MTREX: variants seen among roughly 807,000 people sequenced by gnomAD.
MTREX encodes Mtr4 exosome RNA helicase.
In MTREX, 76 loss-of-function variants were observed where a neutral mutation model predicts 135.4. The observed-to-expected ratio is 0.56, with a 90% CI of 0.47 to 0.68. The LOEUF (loss-of-function observed/expected upper bound fraction) is 0.68. MTREX is among the 30% of genes least tolerant of loss of function. MTREX has a pLI of 0.00. For missense variants in MTREX, 920 were observed against 1,262.1 expected (o/e 0.73, Z 4.11); for synonymous variants, 404 against 401.6 (o/e 1.01, Z -0.07).
intron 11 of MTREX, among the ~76,000 whole-genome samples, chr5:55,348,748 G>A (rs956840388): frequency 4.6e-5 from 7 of 151,990 alleles, no homozygotes; most frequent in East Asian, 3.9e-4. Flanking sequence ...TACAAGTGCC[G>A]AATAAACTTA....
At chr5:55,368,750 A>G (rs1339826613) in intron 16 of MTREX, among the ~76,000 whole-genome samples, 1 of 152,146 alleles carries the variant, frequency 6.6e-6, no homozygotes, top group Non-Finnish European at 1.5e-5. Context: ...TTTTCTGTAG[A>G]TACAGGGTTT....
Position 55,366,319 on chromosome 5 carries a change from A to G in MTREX, c.1660-406A>G, listed in dbSNP as rs147532216. ...GTCTGGGTAATACAATGAGACCTCT[A>G]TCTCTACAAAATAATAAAAAATTAG... On this transcript the variant is annotated intron_variant, in intron 15 of 26. Transcript: ENST00000230640. 3.6e-3 allele frequency among the ~76,000 whole-genome samples: 555 copies of G among 152,240 alleles called. 1 individual carries two copies. Among genetic ancestry groups the G allele is most frequent in the African/African-American group, 0.012 (508 of 41,536 alleles).
At chr5:55,424,010 G>T (rs1453948693) in intron 26 of MTREX, 1 of 151,974 alleles carries the variant, frequency 6.6e-6, no homozygotes, top group African/African-American at 2.4e-5. Flanking sequence ...CCTTGGCCTA[G>T]AAAGAATTTC....
intron 1 of MTREX, among the ~76,000 whole-genome samples, chr5:55,317,386 A>G (rs1033306335): frequency 2.6e-5 from 4 of 152,228 alleles, no homozygotes; most frequent in Non-Finnish European, 5.9e-5. Context: ...AAACTATACT[A>G]CAAGGCTACA....
Position 55,353,217 on chromosome 5 carries a change from G to C in MTREX, c.1481G>C (p.Arg494Thr). 1 of 1,610,862 alleles carries C rather than the reference G, an allele frequency of 6.2e-7. No individual in the cohort carries two copies. The highest frequency in any genetic ancestry group is 8.5e-7 in the Non-Finnish European group (1 of 1,178,678). Residue 494 changes from arginine (R) to threonine (T), a missense_variant, in exon 14 of 27, where the codon AGA (arginine) becomes ACA (threonine). Physicochemically the swap from Arg to Thr is moderately conservative, Grantham distance 71. Transcript: ENST00000230640. ...TFAMGINMPA[R>T]TVLFTNARKF... ...GCTATGGGAATTAACATGCCAGCTAGAACTGTTTTATTTACAAATGCCCGC... is the reference window on the plus strand; with the variant it reads ...GCTATGGGAATTAACATGCCAGCTACAACTGTTTTATTTACAAATGCCCGC...
rs368475452 is a variant in MTREX at position 55,335,636 on chromosome 5, A to C, written c.516-4374A>C. Among the ~76,000 whole-genome samples the C allele has an allele frequency of 3.3e-5, 5 of 152,106 alleles. No homozygotes were observed. In the East Asian group the frequency reaches 9.6e-4, roughly 29 times the overall value. ...CGTTTCTGGACTTTGTTATATCTTT[A>C]CACTAGTACACTATTTTGATTACTG... On this transcript the variant is annotated intron_variant, in intron 5 of 26. Transcript: ENST00000230640.
At chr5:55,405,001 G>A (rs1750780097) in intron 21 of MTREX, among the ~76,000 whole-genome samples, 1 of 151,812 alleles carries the variant, frequency 6.6e-6, no homozygotes, top group Admixed American at 6.6e-5. Flanking sequence ...TTTTAGTACA[G>A]ACGGAGTTTC....
intron 25 of MTREX, among the ~76,000 whole-genome samples, chr5:55,422,031 A>G (rs944706945): frequency 1.3e-5 from 2 of 152,198 alleles, no homozygotes; most frequent in Non-Finnish European, 2.9e-5. Context: ...ATTATTATTA[A>G]TTTAATAATT....
chr5:55,394,908 C>T (rs923849199), intron 19 of MTREX, among the ~76,000 whole-genome samples: 10 of 151,854 alleles, frequency 6.6e-5, no homozygotes, highest in South Asian at 2.1e-4. Context: ...TGGCAGGTGC[C>T]TGTAGTCCCA....
At chr5:55,341,011 A>G (rs1200204698) in intron 6 of MTREX, among the ~76,000 whole-genome samples, 1 of 152,216 alleles carries the variant, frequency 6.6e-6, no homozygotes, top group Non-Finnish European at 1.5e-5. Flanking sequence ...ATTTTTGTAC[A>G]TACTTTAATT....
At chr5:55,372,048 G>A (rs1042194363) in intron 16 of MTREX, among the ~76,000 whole-genome samples, 9 of 151,996 alleles carry the variant, frequency 5.9e-5, no homozygotes, top group African/African-American at 1.2e-4. Flanking sequence ...AAATTCCTCT[G>A]GTCTGTGCTG....
At chr5:55,331,820 C>T (rs1467269657) in intron 5 of MTREX, among the ~76,000 whole-genome samples, 1 of 152,152 alleles carries the variant, frequency 6.6e-6, no homozygotes, top group Non-Finnish European at 1.5e-5. Flanking sequence ...TTTTGGATTA[C>T]CTACTTTGTT....
intron 1 of MTREX, among the ~76,000 whole-genome samples, chr5:55,318,036 C>T (rs1027092136): frequency 2.0e-5 from 3 of 152,100 alleles, no homozygotes; most frequent in Non-Finnish European, 4.4e-5. Flanking sequence ...TATCACTGAT[C>T]ATTAGAGAAT....
At chr5:55,379,052 T>A in intron 17 of MTREX, 75 bp from the exon 18 acceptor site, 2 of 919,740 alleles carry the variant, frequency 2.2e-6, no homozygotes, top group Non-Finnish European at 3.5e-6. Flanking sequence ...TAGTCTAGAA[T>A]GTAGGTGTGA....
chr5:55,404,180 T>A (rs1346136118), intron 21 of MTREX, among the ~76,000 whole-genome samples: 1 of 152,212 alleles, frequency 6.6e-6, no homozygotes, highest in South Asian at 2.1e-4. Flanking sequence ...GTCTAAAAAA[T>A]TCCATTATCT....
chr5:55,380,248 T>A (rs1412841451), intron 18 of MTREX, among the ~76,000 whole-genome samples: 2 of 152,266 alleles, frequency 1.3e-5, no homozygotes, highest in East Asian at 3.9e-4. Flanking sequence ...CCTGTTTCTT[T>A]TTTTAAACAG....
chr5:55,329,937 T>G (rs1749443396), intron 5 of MTREX, among the ~76,000 whole-genome samples: 1 of 152,072 alleles, frequency 6.6e-6, no homozygotes, highest in Non-Finnish European at 1.5e-5. Context: ...TAAAGTTGTC[T>G]CACAACTCAC....
At chr5:55,418,928 C>A (rs986873795) in intron 25 of MTREX, among the ~76,000 whole-genome samples, 12 of 152,162 alleles carry the variant, frequency 7.9e-5, no homozygotes, top group African/African-American at 2.4e-5. Flanking sequence ...ACTGCACCCT[C>A]CATCTCCCGG....
chr5:55,379,966 C>T (rs185467388), intron 18 of MTREX, among the ~76,000 whole-genome samples: 177 of 152,242 alleles, frequency 1.2e-3, no homozygotes, highest in Non-Finnish European at 2.0e-3. Context: ...GACGGAGTCT[C>T]GCTCTGTCGC....
Sources: gnomAD v4.1 joint callset for allele counts (sites outside exome capture counted in the v4.1 genomes callset) on GRCh38, gnomAD v4.1.1 for gene constraint, MANE v1.5 for transcripts, NCBI Gene and HGNC (gene_info 2026-07-23, HGNC 2026-07-21) for gene names.